Variants in N4BP2L2 observed in about 807,000 individuals in gnomAD.
The protein encoded by N4BP2L2 is NEDD4 binding protein 2 like 2.
A neutral mutation model predicts 56.2 loss-of-function variants in N4BP2L2; 50 were observed. The observed-to-expected ratio is 0.89, with a 90% confidence interval of 0.71 to 1.13. The LOEUF is 1.13. Ranked by LOEUF, N4BP2L2 falls within the 50% of genes most tolerant of loss-of-function variation. The probability of loss-of-function intolerance (pLI) is 0.00; values close to 1 mark genes in which losing one functional copy is unlikely to be tolerated. For synonymous variants in N4BP2L2, 203 were observed against 223.6 expected, an observed-to-expected ratio of 0.91 and a Z score of 0.82; for missense variants, 689 against 693.8, an observed-to-expected ratio of 0.99 and a Z score of 0.08.
rs60854435 is a variant in N4BP2L2 at position 32,481,118 on chromosome 13, C to CAAAAAAAAAAAAAAAAAAAA, written c.365+36719_365+36738dup. On this transcript the variant is annotated intron_variant, in intron 6 of 9. Coordinates refer to the N4BP2L2 transcript ENST00000357505. ...TCAGCAACAGAGTGAGACTCTGTCTCAAAAAAAAAAAAAAAAAAAAAAAAA... is the reference window on the plus strand; with the variant it reads ...TCAGCAACAGAGTGAGACTCTGTCTCAAAAAAAAAAAAAAAAAAAAAAAAAAAAAAAAAAAAAAAAAAAAA... Among the ~76,000 whole-genome samples, 5 of 20,714 alleles carry CAAAAAAAAAAAAAAAAAAAA rather than the reference C, an allele frequency of 2.4e-4. 1 individual carries two copies. Among genetic ancestry groups the CAAAAAAAAAAAAAAAAAAAA allele is most frequent in the African/African-American group, 7.4e-4 (4 of 5,406 alleles). 13.6% of individuals were successfully genotyped at this position (20,714 alleles called of 152,430 possible).
intron 7 of N4BP2L2, among the ~76,000 whole-genome samples, chr13:32,441,984 G>A (rs1298907182): frequency 6.6e-6 from 1 of 152,132 alleles, no homozygotes; most frequent in Non-Finnish European, 1.5e-5. Flanking sequence ...GCTGAGGCAG[G>A]AGAATGGCGT....
chr13:32,495,312 C>T (rs79126213), intron 6 of N4BP2L2, among the ~76,000 whole-genome samples: 5,788 of 152,186 alleles, frequency 0.038, 147 homozygotes, highest in Middle Eastern at 0.082. Context: ...TCTCAAGGAT[C>T]CTTAGTAACC....
chr13:32,517,433 A>C, exon 6 of N4BP2L2: 2 of 997,864 alleles, frequency 2.0e-6, no homozygotes, highest in South Asian at 8.7e-5. Flanking sequence ...AAAACCGTAA[A>C]GTTTTATGAA....
intron 6 of N4BP2L2, among the ~76,000 whole-genome samples, chr13:32,473,363 T>C (rs955001305): frequency 1.3e-5 from 2 of 152,198 alleles, no homozygotes; most frequent in Non-Finnish European, 2.9e-5. Flanking sequence ...TCAAATTTAT[T>C]TTTAAAAACA....
rs117762213 is a variant in N4BP2L2 at position 32,480,558 on chromosome 13, C to T, written c.366-36432G>A. Reference sequence around the variant, plus strand: ...ATCTTAGAAAATCAGACGCTAGATCCATTATATCATTACTTGGAGTTTCCA... The same window carrying T: ...ATCTTAGAAAATCAGACGCTAGATCTATTATATCATTACTTGGAGTTTCCA... On this transcript the variant is annotated intron_variant, in intron 6 of 9. Transcript: ENST00000357505. 7.7e-3 allele frequency: 8,860 copies of T among 1,150,012 alleles called. 54 individuals are homozygous for T. The highest frequency in any genetic ancestry group is 0.012 in the Admixed American group (509 of 41,752). The allele number at this position is 1,150,012 out of a possible 1,614,324, so 71.2% of individuals were successfully genotyped here.
At position 32,448,995 on chromosome 13, in the gene N4BP2L2, C is replaced by T. The variant is rs141555006; in HGVS notation, c.366-4869G>A. Among the ~76,000 whole-genome samples the T allele has an allele frequency of 8.5e-4, 130 of 152,222 alleles. No individual in the cohort carries two copies. In the Middle Eastern group the frequency reaches 0.014, roughly 16 times the overall value. ...ATGTCTTTCCAAAATGAGGAAAATACCCCTCCTTGCAAAGTTGTTGTAAGG... is the reference window on the plus strand; with the variant it reads ...ATGTCTTTCCAAAATGAGGAAAATATCCCTCCTTGCAAAGTTGTTGTAAGG... On this transcript the variant is annotated intron_variant, in intron 6 of 9. Coordinates refer to the N4BP2L2 transcript ENST00000357505.
intron 6 of N4BP2L2, among the ~76,000 whole-genome samples, chr13:32,449,285 C>T (rs2077504063): frequency 6.6e-6 from 1 of 152,146 alleles, no homozygotes; most frequent in African/African-American, 2.4e-5. Flanking sequence ...TCTCACTAAA[C>T]ATGAAGTGCT....
chr13:32,503,623 A>T (rs2090422887), intron 6 of N4BP2L2, among the ~76,000 whole-genome samples: 2 of 152,360 alleles, frequency 1.3e-5, no homozygotes, highest in African/African-American at 4.8e-5. Flanking sequence ...TAAAAAGCTA[A>T]ATTTTTAGGC....
chr13:32,450,637 T>C (rs77445572), intron 6 of N4BP2L2, among the ~76,000 whole-genome samples: 2 of 12,584 alleles, frequency 1.6e-4, no homozygotes, highest in East Asian at 0.023. Context: ...TTTGTTTTTG[T>C]TTTTTTTTTA....
At chr13:32,519,234 C>A (rs932672421) in intron 5 of N4BP2L2, among the ~76,000 whole-genome samples, 1 of 148,746 alleles carries the variant, frequency 6.7e-6, no homozygotes, top group African/African-American at 2.5e-5. Context: ...TATGGCAAAA[C>A]CGTCTCTACC....
chr13:32,536,324 T>C (rs751755695), exon 2 of N4BP2L2: 1 of 1,614,024 alleles, frequency 6.2e-7, no homozygotes, highest in South Asian at 1.1e-5. Context: ...GTTCTGCTGA[T>C]AATCACAATG....
rs1305495829 is a variant in N4BP2L2, at chr13:32,538,612, A to G, written c.-1+6T>C. 1 of 985,334 alleles carries G rather than the reference A, an allele frequency of 1.0e-6. No individual in the cohort carries two copies. The highest frequency in any genetic ancestry group is 4.7e-5 in the South Asian group (1 of 21,280). The allele number at this position is 985,334 out of a possible 1,614,324, so 61.0% of individuals were successfully genotyped here. A position where few individuals can be genotyped will look rare whatever the true frequency, so the allele number is the denominator to read the frequency against. The stretch of plus-strand genomic sequence containing the variant: ...CACCCTCACCTAAAACGGGGTGTCT[A>G]CTCACCTTACTCTACCCCTACGCAT... On this transcript the variant is annotated splice_donor_region_variant and intron_variant, in intron 1 of 5. Transcript: ENST00000267068.
Position 32,462,861 on chromosome 13 carries a change from T to TAAAAAAAA in N4BP2L2, c.366-18743_366-18736dup, listed in dbSNP as rs569068082. ...CAACATGGTGAAACCCTGTCTTTAC[T>TAAAAAAAA]AAAAAAAAAAAAAAAAAAAAAAAAA... is the stretch of plus-strand genomic sequence containing the variant. On this transcript the variant is annotated intron_variant, in intron 6 of 9. Transcript: ENST00000357505. 1.1e-3 allele frequency among the ~76,000 whole-genome samples: 58 copies of TAAAAAAAA among 51,112 alleles called. 1 individual carries two copies. Among genetic ancestry groups the TAAAAAAAA allele is most frequent in the Non-Finnish European group, 1.1e-3 (29 of 26,678 alleles). 33.5% of individuals were successfully genotyped at this position (51,112 alleles called of 152,430 possible). A position where few individuals can be genotyped will look rare whatever the true frequency, so the allele number is the denominator to read the frequency against.
intron 6 of N4BP2L2, among the ~76,000 whole-genome samples, chr13:32,445,031 C>T (rs2076830990): frequency 6.6e-6 from 1 of 152,170 alleles, no homozygotes; most frequent in South Asian, 2.1e-4. Flanking sequence ...GGTGGATCAC[C>T]TGAGGTCAGG....
chr13:32,484,192 G>A (rs2085381396), intron 6 of N4BP2L2, among the ~76,000 whole-genome samples: 2 of 151,770 alleles, frequency 1.3e-5, no homozygotes, highest in Admixed American at 1.3e-4. Flanking sequence ...GTGTGGTGGC[G>A]CACGTCTGTA....
At chr13:32,468,479 G>T (rs1027951585) in intron 6 of N4BP2L2, among the ~76,000 whole-genome samples, 1 of 152,132 alleles carries the variant, frequency 6.6e-6, no homozygotes, top group Non-Finnish European at 1.5e-5. Context: ...TTGGTAAAGC[G>T]AAGAACAAAA....
chr13:32,439,680 T>C (rs574939541), intron 7 of N4BP2L2, among the ~76,000 whole-genome samples: 1 of 151,858 alleles, frequency 6.6e-6, no homozygotes, highest in Non-Finnish European at 1.5e-5. Context: ...TTGAAAAAAA[T>C]TGGTATGTTT....
At chr13:32,536,841 TGAC>T (rs774503328) in exon 2 of N4BP2L2, 36 of 1,614,002 alleles carry the variant, frequency 2.2e-5, no homozygotes, top group Non-Finnish European at 2.9e-5. Context: ...CTATGTCCTC[TGAC>T]ATCAATGATG....
Position 32,442,820 on chromosome 13 carries a change from G to A in N4BP2L2, c.1672C>T (p.Gln558Ter). 1 of 1,613,696 alleles carries A rather than the reference G, an allele frequency of 6.2e-7. No individual in the cohort carries two copies. The highest frequency in any genetic ancestry group is 8.5e-7 in the Non-Finnish European group (1 of 1,179,802). The change falls in exon 7 of 10, where the codon CAG becomes TAG. Residue 558 changes from glutamine (Q) to a stop codon, truncating the protein, a stop_gained. Coordinates refer to the N4BP2L2 transcript ENST00000357505. LOFTEE classifies it high-confidence loss of function. Reference sequence around the variant, plus strand: ...AATGACAGGCAATGAGAATAACGCTGTCCATCAATATTTAAAGGGGTAGCT... The same window carrying A: ...AATGACAGGCAATGAGAATAACGCTATCCATCAATATTTAAAGGGGTAGCT...
Sources: allele counts gnomAD v4.1 joint callset (sites outside exome capture counted in the v4.1 genomes callset), GRCh38; gene constraint gnomAD v4.1.1; transcripts MANE v1.5; gene names NCBI Gene and HGNC (gene_info 2026-07-23, HGNC 2026-07-21).